The following PPIL2 variants were observed in gnomAD, a reference collection of about 807,000 sequenced individuals.
The protein encoded by PPIL2 is RING-type E3 ubiquitin-protein ligase PPIL2.
Under a neutral mutation model 75.2 loss-of-function variants are expected in PPIL2, and 50 were observed. The observed-to-expected ratio is 0.66, with a 90% CI of 0.53 to 0.84. The LOEUF (loss-of-function observed/expected upper bound fraction) is 0.84, where lower values mean the gene tolerates loss of function less well. Among genes scored for constraint, PPIL2 ranks in the 40% least tolerant of loss-of-function variants. The pLI is 0.00. For synonymous variants in PPIL2, 245 were observed against 258.8 expected, an observed-to-expected ratio of 0.95 and a Z score of 0.51; for missense variants, 590 against 685.0, an observed-to-expected ratio of 0.86 and a Z score of 1.55.
At position 21,693,839 on chromosome 22, in the gene PPIL2, C is replaced by G; in HGVS notation, c.1163C>G (p.Ala388Gly). Residue 388 changes from alanine to glycine, a missense_variant, in exon 16 of 20, where the codon GCC (alanine) becomes GGC (glycine). By Grantham distance (60) the Ala-to-Gly change is moderately conservative. Coordinates refer to ENST00000398831, the MANE Select transcript of PPIL2 (RefSeq NM_014337.4). ...AGCTTCATCACGTTTCGCTCCTGTG[C>G]CTACCTGGACAAGAAGCATACCATC... ...SQFFITFRSCAYLDKKHTIFG... is the reference protein window; with the variant it reads ...SQFFITFRSCGYLDKKHTIFG... The G allele has an allele frequency of 6.5e-7, 1 of 1,547,662 alleles. No individual in the cohort carries two copies. The highest frequency in any genetic ancestry group is 1.1e-5 in the South Asian group (1 of 89,696).
At chr22:21,669,799 C>A in intron 1 of PPIL2, 114 bp from the exon 2 acceptor site, 2 of 1,143,196 alleles carry the variant, frequency 1.7e-6, no homozygotes, top group Non-Finnish European at 2.6e-6. Context: ...CGTGCCCGCC[C>A]CATAGTAGGT....
At chr22:21,671,583 T>C (rs1247775006) in intron 4 of PPIL2, among the ~76,000 whole-genome samples, 1 of 151,984 alleles carries the variant, frequency 6.6e-6, no homozygotes, top group Non-Finnish European at 1.5e-5. Flanking sequence ...TTTTCTTTTT[T>C]TTTTATTTGA....
At chr22:21,675,265 C>T (rs1647708) in intron 6 of PPIL2, 150 bp downstream of exon 6, 178,981 of 722,056 alleles carry the variant, frequency 0.25, 23,108 homozygotes, top group East Asian at 0.3. Flanking sequence ...GGGCTGGGCA[C>T]GGTGGCTCAC....
At chr22:21,669,034 T>G (rs1159318702) in intron 1 of PPIL2, among the ~76,000 whole-genome samples, 2 of 130,448 alleles carry the variant, frequency 1.5e-5, no homozygotes, top group Non-Finnish European at 3.3e-5. Flanking sequence ...TTTTTTTTAG[T>G]AGAGACTGGT....
chr22:21,695,046 G>T lies in PPIL2; in HGVS notation c.1442G>T (p.Gly481Val). 6.2e-7 allele frequency: 1 copy of T among 1,610,304 alleles called. No homozygotes were observed. ...CCCCAGACCTTCCGCCAGGGCGTGGGCAAGTACATCAACCCAGCAGCCACG... is the reference window on the plus strand; with the variant it reads ...CCCCAGACCTTCCGCCAGGGCGTGGTCAAGTACATCAACCCAGCAGCCACG... ...QGPQTFRQGV[G>V]KYINPAATKR... Residue 481 changes from glycine to valine, a missense_variant, in exon 19 of 20, where the codon GGC becomes GTC. Gly to Val is a moderately radical substitution (Grantham distance 109). Transcript: ENST00000398831.
chr22:21,692,363 C>T (rs563363017), intron 15 of PPIL2, among the ~76,000 whole-genome samples: 20 of 151,244 alleles, frequency 1.3e-4, no homozygotes, highest in Admixed American at 2.6e-4. Flanking sequence ...ACCGTGTTAG[C>T]GAGGATGGTC....
rs1291070331 is a variant in PPIL2, at chr22:21,697,552, CA to C, written c.*2063del. The C allele has an allele frequency of 2.1e-4, 33 of 155,840 alleles. No individual in the cohort carries two copies. The highest frequency in any genetic ancestry group is 8.0e-4 in the African/African-American group (33 of 41,416). 9.7% of individuals were successfully genotyped at this position (155,840 alleles called of 1,614,324 possible). On this transcript the variant is annotated 3_prime_UTR_variant, in exon 20 of 20. Transcript: ENST00000398831. Reference sequence around the variant, plus strand: ...AGGGCACGATTTAAACATTTGACATCAGAAGCTTTATTTGTAAACCTCACAC... The same window carrying C: ...AGGGCACGATTTAAACATTTGACATCGAAGCTTTATTTGTAAACCTCACAC...
intron 7 of PPIL2, 137 bp downstream of exon 7, chr22:21,681,527 C>T (rs1268100513): frequency 4.0e-6 from 3 of 752,684 alleles, no homozygotes; most frequent in East Asian, 2.8e-5. Context: ...CAGGCATGGT[C>T]ATCTAGCAAA....
intron 5 of PPIL2, among the ~76,000 whole-genome samples, chr22:21,672,855 G>T (rs922610540): frequency 2.6e-5 from 4 of 152,228 alleles, no homozygotes; most frequent in Non-Finnish European, 5.9e-5. Flanking sequence ...CGAGACGGAG[G>T]GTCGGGACTC....
intron 1 of PPIL2, among the ~76,000 whole-genome samples, chr22:21,669,100 T>G (rs541900576): frequency 6.6e-6 from 1 of 150,906 alleles, no homozygotes; most frequent in Admixed American, 6.6e-5. Context: ...CTGCCCGCCT[T>G]GGCCTCCCAA....
intron 15 of PPIL2, among the ~76,000 whole-genome samples, chr22:21,690,585 T>A (rs1262690804): frequency 1.3e-5 from 2 of 152,162 alleles, no homozygotes; most frequent in Non-Finnish European, 2.9e-5. Context: ...AGTCCCTTAG[T>A]GGTCTTTGAA....
At chr22:21,682,735 C>T (rs1192294714) in intron 8 of PPIL2, among the ~76,000 whole-genome samples, 2 of 152,258 alleles carry the variant, frequency 1.3e-5, no homozygotes. Flanking sequence ...CTGTATCTGG[C>T]ACAGGGTCCC....
intron 1 of PPIL2, among the ~76,000 whole-genome samples, chr22:21,668,728 T>G (rs1441996825): frequency 6.6e-6 from 1 of 150,856 alleles, no homozygotes; most frequent in African/African-American, 2.4e-5. Flanking sequence ...TTTTTTTTTT[T>G]TGAGACGGAG....
chr22:21,689,989 C>T (rs769902816), intron 15 of PPIL2, among the ~76,000 whole-genome samples: 7 of 152,132 alleles, frequency 4.6e-5, no homozygotes, highest in Admixed American at 3.3e-4. Context: ...CACGTGGTCT[C>T]GGTTGTGTGG....
intron 15 of PPIL2, 129 bp from the exon 16 acceptor site, chr22:21,693,687 A>G (rs993304046): frequency 1.1e-6 from 1 of 944,254 alleles, no homozygotes; most frequent in Non-Finnish European, 1.7e-6. Context: ...CCACGTGCAC[A>G]CATGCGTCCG....
chr22:21,672,572 T>G (rs1219908921), intron 5 of PPIL2, among the ~76,000 whole-genome samples, 191 bp downstream of exon 5: 1 of 152,174 alleles, frequency 6.6e-6, no homozygotes, highest in Non-Finnish European at 1.5e-5. Context: ...CCTGTGCACG[T>G]GTATATATGT....
In PPIL2 at chr22:21,692,399, C is replaced by CT. The variant is rs1271415811; in HGVS notation, c.1140-1417_1140-1416insT. ...TCGATCTCCTGACCTTGTGATCCGC[C>CT]CACCTTGGCCTCCCAAAGTGCTGGG... On this transcript the variant is annotated intron_variant, in intron 15 of 19. Transcript: ENST00000398831. Among the ~76,000 whole-genome samples the CT allele has an allele frequency of 5.8e-3, 877 of 151,522 alleles. 21 individuals carry two copies. The highest frequency in any genetic ancestry group is 0.03 in the Admixed American group (452 of 15,142).
rs1385953917 is a variant in PPIL2 at position 21,696,887 on chromosome 22, TGCCTGA to T, written c.*1398_*1403del. On this transcript the variant is annotated 3_prime_UTR_variant, in exon 20 of 20. Transcript: ENST00000398831. ...CCTCACCCCATCCACTGCCACAGGCTGCCTGATGACCACTAGAGGTATGTCTGCCCC... is the reference window on the plus strand; with the variant it reads ...CCTCACCCCATCCACTGCCACAGGCTTGACCACTAGAGGTATGTCTGCCCC... The T allele has an allele frequency of 6.3e-7, 1 of 1,591,840 alleles. No homozygotes were observed. The highest frequency in any genetic ancestry group is 8.5e-7 in the Non-Finnish European group (1 of 1,169,766).
rs768715670 is a variant in PPIL2 at position 21,694,625 on chromosome 22, T to C, written c.1229T>C (p.Met410Thr). 4 of 1,613,814 alleles carry C rather than the reference T, an allele frequency of 2.5e-6. No individual in the cohort carries two copies. Among genetic ancestry groups the C allele is most frequent in the Admixed American group, 1.7e-5 (1 of 59,990 alleles). ...VVGGFDVLTA[M>T]ENVESDPKTD... ...GGGGGCTTTGACGTACTGACAGCCA[T>C]GGAGAATGTGGAGAGTGACCCCAAA... is the stretch of plus-strand genomic sequence containing the variant. The change falls in exon 17 of 20, where the codon ATG becomes ACG. Residue 410 changes from methionine to threonine, a missense_variant. Physicochemically the swap from Met to Thr is moderately conservative, Grantham distance 81. Coordinates refer to ENST00000398831, the MANE Select transcript of PPIL2 (RefSeq NM_014337.4).
Sources: allele counts gnomAD v4.1 joint callset (sites outside exome capture counted in the v4.1 genomes callset), GRCh38; gene constraint gnomAD v4.1.1; transcripts MANE v1.5; gene names NCBI Gene and HGNC (gene_info 2026-07-23, HGNC 2026-07-21).